The following FXR1 variants were observed in gnomAD, a reference collection of about 807,000 sequenced individuals.
FXR1 encodes the protein FMR1 autosomal homolog 1.
In FXR1, 15 loss-of-function variants were observed where a neutral mutation model predicts 84.0. That is an observed-to-expected ratio of 0.18 (90% CI 0.12 to 0.27). The LOEUF (loss-of-function observed/expected upper bound fraction) is 0.27. Among genes scored for constraint, FXR1 ranks in the 10% least tolerant of loss-of-function variants. The pLI is 1.00. For missense variants in FXR1, 480 were observed against 774.4 expected (o/e 0.62, Z 4.51); for synonymous variants, 245 against 250.7 (o/e 0.98, Z 0.21).
chr3:180,951,471 A>G lies in FXR1; in HGVS notation c.801+3A>G, dbSNP rs1375113836. 3 of 1,600,926 alleles carry G rather than the reference A, an allele frequency of 1.9e-6. No individual in the cohort carries two copies. The highest frequency in any genetic ancestry group is 2.6e-6 in the Non-Finnish European group (3 of 1,171,304). ...GAACATTCAGAATCTACGGAGAGGT[A>G]AGTTCTCTTTCTCCTGCCTTGGCCT... On this transcript the variant is annotated splice_donor_region_variant and intron_variant, in intron 8 of 16. Coordinates refer to ENST00000357559, the MANE Select transcript of FXR1 (RefSeq NM_005087.4).
intron 5 of FXR1, 65 bp downstream of exon 5, chr3:180,948,560 C>A: frequency 8.1e-7 from 1 of 1,236,196 alleles, no homozygotes; most frequent in Admixed American, 2.0e-5. Flanking sequence ...TCCTACAAAA[C>A]ATTTTCCCTA....
intron 1 of FXR1, among the ~76,000 whole-genome samples, chr3:180,922,867 G>A (rs1175710006): frequency 2.0e-5 from 3 of 152,074 alleles, no homozygotes; most frequent in Non-Finnish European, 2.9e-5. Flanking sequence ...TCCTGCCTCG[G>A]CCTCCCAAAG....
chr3:180,926,348 G>A (rs922197894), intron 1 of FXR1, among the ~76,000 whole-genome samples: 1 of 151,678 alleles, frequency 6.6e-6, no homozygotes, highest in African/African-American at 2.4e-5. Context: ...GTGAACTAGA[G>A]GTATGATTCC....
intron 8 of FXR1, among the ~76,000 whole-genome samples, chr3:180,952,018 A>G (rs1223946358): frequency 1.3e-5 from 2 of 152,218 alleles, no homozygotes; most frequent in Non-Finnish European, 2.9e-5. Context: ...CCAGGGCAAC[A>G]TAGAGTTTAG....
At chr3:180,958,017 TAC>T (rs1298342597) in intron 10 of FXR1, 89 bp downstream of exon 10, 1 of 537,156 alleles carries the variant, frequency 1.9e-6, no homozygotes, top group Admixed American at 3.3e-5. Context: ...TTTTATCTGA[TAC>T]AGAGGGTTTT....
At chr3:180,934,171 C>T (rs1162065471) in intron 2 of FXR1, among the ~76,000 whole-genome samples, 1 of 152,168 alleles carries the variant, frequency 6.6e-6, no homozygotes, top group Non-Finnish European at 1.5e-5. Flanking sequence ...CACTTTTAAG[C>T]TGTTTCTGGA....
chr3:180,919,441 C>T (rs948743704), intron 1 of FXR1, among the ~76,000 whole-genome samples: 6 of 151,424 alleles, frequency 4.0e-5, no homozygotes, highest in Admixed American at 1.3e-4. Flanking sequence ...TGTGCCTCCA[C>T]GCCCAGGCAA....
At chr3:180,924,147 T>G (rs1244848448) in intron 1 of FXR1, among the ~76,000 whole-genome samples, 2 of 152,076 alleles carry the variant, frequency 1.3e-5, no homozygotes, top group East Asian at 1.9e-4. Flanking sequence ...TTAGTAGAGA[T>G]AGGGTTTCGC....
At chr3:180,957,327 C>T (rs1295368997) in intron 9 of FXR1, among the ~76,000 whole-genome samples, 4 of 152,052 alleles carry the variant, frequency 2.6e-5, no homozygotes, top group Admixed American at 6.5e-5. Flanking sequence ...AAATATAATA[C>T]ATGTAAATAT....
At chr3:180,961,931 G>A (rs755813942) in intron 11 of FXR1, among the ~76,000 whole-genome samples, 21 of 152,062 alleles carry the variant, frequency 1.4e-4, no homozygotes, top group Non-Finnish European at 2.5e-4. Flanking sequence ...CATACAAATA[G>A]GGTACAGAAC....
Position 180,980,451 on chromosome 3 carries a change from T to C in FXR1, c.*4159T>C, listed in dbSNP as rs1553781749. Reference sequence around the variant, plus strand: ...AATTGGATTAACTGTAAAATGTACATATTAATTTTCTAGTTTTAGAGACCA... The same window carrying C: ...AATTGGATTAACTGTAAAATGTACACATTAATTTTCTAGTTTTAGAGACCA... On this transcript the variant is annotated 3_prime_UTR_variant, in exon 17 of 17. Coordinates refer to ENST00000357559, the MANE Select transcript of FXR1 (RefSeq NM_005087.4). The C allele has an allele frequency of 6.6e-6, 1 of 151,974 alleles. No individual in the cohort carries two copies. The highest frequency in any genetic ancestry group is 1.5e-5 in the Non-Finnish European group (1 of 67,908). 9.4% of individuals were successfully genotyped at this position (151,974 alleles called of 1,614,324 possible).
intron 15 of FXR1, chr3:180,971,542 A>G (rs1232867208): frequency 6.6e-6 from 1 of 152,598 alleles, no homozygotes; most frequent in African/African-American, 2.4e-5. Context: ...TGCTTACTAT[A>G]TCTGAATTCA....
intron 3 of FXR1, among the ~76,000 whole-genome samples, chr3:180,939,260 G>C (rs1005114531): frequency 6.6e-6 from 1 of 151,966 alleles, no homozygotes; most frequent in Non-Finnish European, 1.5e-5. Flanking sequence ...TTATACCGGT[G>C]GGGGGGTGTG....
rs748761695 is a variant in FXR1 at position 180,961,824 on chromosome 3, G to C, written c.1077+270G>C. On this transcript the variant is annotated intron_variant, in intron 11 of 16. Transcript: ENST00000357559. The stretch of plus-strand genomic sequence containing the variant: ...GCTTTTATATTTCTTTCTTTCTTAA[G>C]AAATGATTCCTTTGTCTTCATGCAA... Among the ~76,000 whole-genome samples, 43 of 151,984 alleles carry C rather than the reference G, an allele frequency of 2.8e-4. 1 individual carries two copies. Among genetic ancestry groups the C allele is most frequent in the Non-Finnish European group, 4.6e-4 (31 of 67,998 alleles).
At chr3:180,919,287 T>TG (rs1718273426) in intron 1 of FXR1, among the ~76,000 whole-genome samples, 1 of 120,380 alleles carries the variant, frequency 8.3e-6, no homozygotes, top group South Asian at 2.9e-4. Context: ...TTTTTATTTT[T>TG]GTTTTTTTTT....
chr3:180,926,291 A>G (rs767790838), intron 1 of FXR1, among the ~76,000 whole-genome samples: 51 of 152,032 alleles, frequency 3.4e-4, no homozygotes, highest in Non-Finnish European at 5.7e-4. Context: ...TGAGGGAAGC[A>G]GTAATGTGCG....
intron 1 of FXR1, among the ~76,000 whole-genome samples, chr3:180,913,124 C>T (rs890448255): frequency 6.6e-6 from 1 of 151,948 alleles, no homozygotes; most frequent in African/African-American, 2.4e-5. Context: ...CTCACCCGCT[C>T]CCCCGCCCCT....
chr3:180,963,333 GTTCA>G (rs1712384695), intron 13 of FXR1, among the ~76,000 whole-genome samples: 1 of 151,980 alleles, frequency 6.6e-6, no homozygotes, highest in Non-Finnish European at 1.5e-5. Context: ...TAAGTTGGTA[GTTCA>G]TTGTCATGTT....
chr3:180,976,764 C>T lies in FXR1; in HGVS notation c.*472C>T, dbSNP rs1006847263. ...TCATTAGTTTAGTCTGGAAACTGGT[C>T]TGTTTTAATGTGTTTTTTAAATGCT... On this transcript the variant is annotated 3_prime_UTR_variant, in exon 17 of 17. Transcript: ENST00000357559. 3.3e-5 allele frequency: 5 copies of T among 152,880 alleles called. No homozygotes were observed. Among genetic ancestry groups the T allele is most frequent in the African/African-American group, 7.2e-5 (3 of 41,552 alleles). 9.5% of individuals were successfully genotyped at this position (152,880 alleles called of 1,614,324 possible). A position where few individuals can be genotyped will look rare whatever the true frequency, so the allele number is the denominator to read the frequency against.
Sources: gnomAD v4.1 joint callset for allele counts (sites outside exome capture counted in the v4.1 genomes callset) on GRCh38, gnomAD v4.1.1 for gene constraint, MANE v1.5 for transcripts, NCBI Gene and HGNC (gene_info 2026-07-23, HGNC 2026-07-21) for gene names.